The following HUNK variants were observed in gnomAD, a reference collection of about 807,000 sequenced individuals.
HUNK encodes hormonally up-regulated Neu-associated kinase.
A neutral mutation model predicts 61.0 loss-of-function variants in HUNK; 21 were observed. The ratio of observed to expected loss-of-function variants is 0.34; its 90% CI spans 0.24 to 0.50. The LOEUF (loss-of-function observed/expected upper bound fraction) is 0.50, where lower values mean the gene tolerates loss of function less well. Ranked by LOEUF, HUNK falls within the 20% of genes least tolerant of loss-of-function variation. HUNK has a pLI of 0.98. For missense variants in HUNK, 772 were observed against 945.7 expected, an observed-to-expected ratio of 0.82 and a Z score of 2.41; for synonymous variants, 371 against 386.1, an observed-to-expected ratio of 0.96 and a Z score of 0.46.
In HUNK at chr21:31,999,303, G is replaced by A; in HGVS notation, c.*119G>A. On this transcript the variant is annotated 3_prime_UTR_variant, in exon 11 of 11. Coordinates refer to ENST00000270112, the MANE Select transcript of HUNK (RefSeq NM_014586.2). ...TGGAGCATCCTTAGTCCCACCTGTAGCTGAATCCACAGACCCAAAGCCTGC... is the reference window on the plus strand; with the variant it reads ...TGGAGCATCCTTAGTCCCACCTGTAACTGAATCCACAGACCCAAAGCCTGC... 1.1e-6 allele frequency: 1 copy of A among 920,840 alleles called. No homozygotes were observed. Among genetic ancestry groups the A allele is most frequent in the Non-Finnish European group, 1.6e-6 (1 of 608,180 alleles). 57.0% of individuals were successfully genotyped at this position (920,840 alleles called of 1,614,324 possible).
intron 1 of HUNK, among the ~76,000 whole-genome samples, chr21:31,884,344 G>C (rs1299394731): frequency 1.3e-5 from 2 of 152,070 alleles, no homozygotes; most frequent in Non-Finnish European, 2.9e-5. Flanking sequence ...TGTAATCCCA[G>C]ACTTTGGGAG....
At chr21:31,911,893 T>C (rs538099361) in intron 1 of HUNK, among the ~76,000 whole-genome samples, 1 of 152,122 alleles carries the variant, frequency 6.6e-6, no homozygotes, top group East Asian at 1.9e-4. Context: ...GAGAAACCAT[T>C]TTCTGCAGCA....
At chr21:31,903,311 G>A (rs1180478913) in intron 1 of HUNK, among the ~76,000 whole-genome samples, 3 of 152,032 alleles carry the variant, frequency 2.0e-5, no homozygotes, top group Non-Finnish European at 2.9e-5. Flanking sequence ...TCCCTTTGAA[G>A]TCGATGATAT....
intron 9 of HUNK, 126 bp from the exon 10 acceptor site, chr21:31,995,642 C>G: frequency 1.3e-6 from 1 of 780,762 alleles, no homozygotes; most frequent in Non-Finnish European, 2.1e-6. Flanking sequence ...ATTCAACACA[C>G]AGTTGAGAGC....
In HUNK at chr21:31,873,381, G is replaced by A. The variant is rs549844695; in HGVS notation, c.-294G>A. ...GCGACTGTCATTAGCTTCCTGGACG[G>A]GACCCGGGGCGGGATCCTGGTGTCC... On this transcript the variant is annotated 5_prime_UTR_variant, in exon 1 of 11. Transcript: ENST00000270112. The surrounding 1 kb of genome is among the most constrained non-coding windows in gnomAD (Gnocchi z 6.1). The A allele has an allele frequency of 2.0e-3, 299 of 152,290 alleles. 1 individual carries two copies. Among genetic ancestry groups the A allele is most frequent in the Non-Finnish European group, 2.3e-3 (156 of 68,390 alleles). 9.4% of individuals were successfully genotyped at this position (152,290 alleles called of 1,614,324 possible).
At chr21:31,954,142 A>G (rs2052871542) in intron 4 of HUNK, among the ~76,000 whole-genome samples, 1 of 152,204 alleles carries the variant, frequency 6.6e-6, no homozygotes, top group South Asian at 2.1e-4. Flanking sequence ...CTCTGGCCTC[A>G]TATGGTCTCC....
In HUNK at chr21:31,924,581, G is replaced by C; in HGVS notation, c.375G>C (p.Gln125His). 6.2e-7 allele frequency: 1 copy of C among 1,614,220 alleles called. No individual in the cohort carries two copies. Among genetic ancestry groups the C allele is most frequent in the Non-Finnish European group, 8.5e-7 (1 of 1,180,036 alleles). ...TGATCCGCCACCCCAATATCACTCA[G>C]CTCCTTGATATTTTAGAAACGGAAA... ...QQMIRHPNIT[Q>H]LLDILETENS... The change falls in exon 2 of 11, where the codon CAG (glutamine) becomes CAC (histidine). Residue 125 changes from glutamine (Q) to histidine (H), a missense_variant. This residue lies in a region of HUNK where 359 missense variants were observed against 501.3 expected (regional missense o/e 0.72). Transcript: ENST00000270112. The surrounding 1 kb of genome is among the most constrained non-coding windows in gnomAD (Gnocchi z 5.1).
chr21:31,946,138 A>G lies in HUNK; in HGVS notation c.713A>G (p.Lys238Arg). 6.2e-7 allele frequency: 1 copy of G among 1,613,166 alleles called. No individual in the cohort carries two copies. Among genetic ancestry groups the G allele is most frequent in the Non-Finnish European group, 8.5e-7 (1 of 1,179,156 alleles). Residue 238 changes from lysine to arginine, a missense_variant, in exon 4 of 11, where the codon AAG (lysine) becomes AGG (arginine). Transcript: ENST00000270112. ...GCTGCACCTGAACTGCTCGCCAGGAAGAAATACGGCCCCAAAATCGATGTC... is the reference window on the plus strand; with the variant it reads ...GCTGCACCTGAACTGCTCGCCAGGAGGAAATACGGCCCCAAAATCGATGTC... Reference protein sequence around the residue: ...AYAAPELLARKKYGPKIDVWS... With the variant: ...AYAAPELLARRKYGPKIDVWS...
At chr21:31,892,814 C>T (rs756978072) in intron 1 of HUNK, among the ~76,000 whole-genome samples, 12 of 152,104 alleles carry the variant, frequency 7.9e-5, no homozygotes, top group African/African-American at 2.7e-4. Flanking sequence ...CTGAGGACCG[C>T]GATGCCTCTC....
chr21:31,941,088 T>G (rs2052765592), intron 3 of HUNK, among the ~76,000 whole-genome samples: 1 of 152,176 alleles, frequency 6.6e-6, no homozygotes, highest in Non-Finnish European at 1.5e-5. Flanking sequence ...AATGACTTAT[T>G]AGATATTTTG....
chr21:31,936,300 C>T (rs2052733282), intron 2 of HUNK, among the ~76,000 whole-genome samples: 1 of 152,186 alleles, frequency 6.6e-6, no homozygotes, highest in Non-Finnish European at 1.5e-5. Flanking sequence ...ATTTTAGTGC[C>T]TTTTGTCCTA....
chr21:31,890,338 C>T (rs984505002), intron 1 of HUNK, among the ~76,000 whole-genome samples: 6 of 151,964 alleles, frequency 3.9e-5, no homozygotes, highest in Non-Finnish European at 8.8e-5. Context: ...AAGCGATTCT[C>T]CTGCATCAGG....
chr21:31,945,213 G>A (rs142307919), intron 3 of HUNK, among the ~76,000 whole-genome samples: 139 of 152,212 alleles, frequency 9.1e-4, no homozygotes, highest in African/African-American at 3.2e-3. Context: ...TCAGATGAGG[G>A]CATAACAGTA....
At chr21:31,953,752 C>A (rs963948435) in intron 4 of HUNK, among the ~76,000 whole-genome samples, 1 of 151,996 alleles carries the variant, frequency 6.6e-6, no homozygotes, top group Non-Finnish European at 1.5e-5. Flanking sequence ...GATGAGAGAC[C>A]CTAGGATGAG....
chr21:31,999,761 A>G lies in HUNK; in HGVS notation c.*577A>G. 6.1e-6 allele frequency: 1 copy of G among 162,752 alleles called. No individual in the cohort carries two copies. Among genetic ancestry groups the G allele is most frequent in the Non-Finnish European group, 1.3e-5 (1 of 75,414 alleles). 10.1% of individuals were successfully genotyped at this position (162,752 alleles called of 1,614,324 possible). ...ACCAAGATCAAACCAAACAGTGGGG[A>G]CCCCAACAGAAGAGAAAGACTGAAG... On this transcript the variant is annotated 3_prime_UTR_variant, in exon 11 of 11. Transcript: ENST00000270112.
At chr21:31,905,830 G>T (rs1251146622) in intron 1 of HUNK, among the ~76,000 whole-genome samples, 1 of 152,242 alleles carries the variant, frequency 6.6e-6, no homozygotes, top group Non-Finnish European at 1.5e-5. Flanking sequence ...GTGATTTAGT[G>T]GGGGAGGAAG....
At chr21:31,954,826 A>C (rs2052877094) in intron 4 of HUNK, among the ~76,000 whole-genome samples, 1 of 151,954 alleles carries the variant, frequency 6.6e-6, no homozygotes, top group African/African-American at 2.4e-5. Flanking sequence ...CTGTTGCCCA[A>C]GCTGGAGTGC....
intron 8 of HUNK, among the ~76,000 whole-genome samples, chr21:31,989,733 A>T (rs1212388665): frequency 6.7e-6 from 1 of 150,354 alleles, no homozygotes; most frequent in African/African-American, 2.5e-5. Flanking sequence ...AAAAAAAAAA[A>T]GCCTGGTTAC....
chr21:31,939,471 C>T lies in HUNK; in HGVS notation c.555-694C>T, dbSNP rs572661524. On this transcript the variant is annotated intron_variant, in intron 2 of 10. Coordinates refer to ENST00000270112, the MANE Select transcript of HUNK (RefSeq NM_014586.2). ...TTGCCCAGGCTGGAGTGCAATGGTG[C>T]AATCTTGGCTCACCACAACCTCTGC... 9.6e-5 allele frequency among the ~76,000 whole-genome samples: 12 copies of T among 125,296 alleles called. No individual in the cohort carries two copies. The East Asian group carries it at 1.0e-3, about 11-fold the overall frequency. 82.2% of individuals were successfully genotyped at this position (125,296 alleles called of 152,430 possible).
Sources: gnomAD v4.1 joint callset for allele counts (sites outside exome capture counted in the v4.1 genomes callset) on GRCh38, gnomAD v4.1.1 for gene constraint, gnomAD v4.1.1 regional missense constraint, Gnocchi (gnomAD v3.1) non-coding constraint, MANE v1.5 for transcripts, NCBI Gene and HGNC (gene_info 2026-07-23, HGNC 2026-07-21) for gene names.